HEATR4: variants seen among roughly 807,000 people sequenced by gnomAD.
HEATR4 encodes the protein HEAT repeat-containing protein 4.
Under a neutral mutation model 108.8 loss-of-function variants are expected in HEATR4, and 95 were observed. The ratio of observed to expected loss-of-function variants is 0.87; its 90% CI spans 0.74 to 1.04. The LOEUF (loss-of-function observed/expected upper bound fraction) is 1.04. Ranked by LOEUF, HEATR4 falls within the 50% of genes least tolerant of loss-of-function variation. The pLI, the probability that HEATR4 is intolerant of heterozygous loss-of-function variation, is 0.00. For synonymous variants in HEATR4, 443 were observed against 459.4 expected (o/e 0.96, Z 0.46); for missense variants, 1,152 against 1,253.8 (o/e 0.92, Z 1.23).
At chr14:73,573,276 A>G in the HEATR4 span, 1 of 1,465,926 alleles carries the variant, frequency 6.8e-7, no homozygotes, top group Non-Finnish European at 9.6e-7. Flanking sequence ...GTGGGTAGAT[A>G]CCTAGGAGTG....
intron 17 of HEATR4, chr14:73,491,542 G>T (rs1442182854): frequency 1.1e-5 from 17 of 1,532,666 alleles, no homozygotes; most frequent in Non-Finnish European, 1.5e-5. Context: ...TGGATAACAC[G>T]GGTGGGGAGC....
chr14:73,562,704 C>A (rs966005864), upstream of HEATR4, among the ~76,000 whole-genome samples: 3 of 151,876 alleles, frequency 2.0e-5, no homozygotes, highest in Admixed American at 6.6e-5. Flanking sequence ...CTGTCTTGTG[C>A]CGTTGAGATA....
At chr14:73,491,267 G>C in intron 17 of HEATR4, 2 of 1,570,876 alleles carry the variant, frequency 1.3e-6, no homozygotes, top group Non-Finnish European at 1.7e-6. Flanking sequence ...CGGTGGGGCG[G>C]CGGTGGCGGC....
the HEATR4 span, chr14:73,595,827 G>A: frequency 1.4e-6 from 1 of 726,492 alleles, no homozygotes; most frequent in Non-Finnish European, 2.0e-6. Flanking sequence ...AATGTAACTT[G>A]CTTGTTGTAG....
intron 17 of HEATR4, chr14:73,490,900 C>T: frequency 1.7e-6 from 2 of 1,152,380 alleles, no homozygotes; most frequent in Non-Finnish European, 2.2e-6. Context: ...GCGTGGCCAA[C>T]CCCGAGGTGG....
Position 73,495,167 on chromosome 14 carries a change from A to C in HEATR4, c.2785+61T>G. The C allele has an allele frequency of 2.0e-6, 3 of 1,478,034 alleles. No individual in the cohort carries two copies. The South Asian group carries it at 3.8e-5, about 19-fold the overall frequency. The allele number at this position is 1,478,034 out of a possible 1,614,324, so 91.6% of individuals were successfully genotyped here. On this transcript the variant is annotated intron_variant, in intron 16 of 17. Transcript: ENST00000553558. ...CTTGCTACTAAGTCCCAAAACATCCAGATCCTGGAAGAGGCTTATTAAAGG... is the reference window on the plus strand; with the variant it reads ...CTTGCTACTAAGTCCCAAAACATCCCGATCCTGGAAGAGGCTTATTAAAGG...
At chr14:73,602,401 C>G in the HEATR4 span, among the ~76,000 whole-genome samples, 1 of 152,150 alleles carries the variant, frequency 6.6e-6, no homozygotes, top group African/African-American at 2.4e-5. Context: ...TTCCTGGTGC[C>G]GAGCTCCTTG....
the HEATR4 span, chr14:73,619,176 G>A: frequency 6.6e-7 from 1 of 1,508,358 alleles, no homozygotes; most frequent in Non-Finnish European, 8.8e-7. Context: ...TAAAATCACT[G>A]TCTGTGTCCT....
chr14:73,594,576 CCT>C, the HEATR4 span, among the ~76,000 whole-genome samples: 16 of 152,272 alleles, frequency 1.1e-4, no homozygotes, highest in African/African-American at 3.6e-4. Context: ...AAGAAACTCC[CCT>C]GTCAGCTGAG....
At position 73,495,256 on chromosome 14, in the gene HEATR4, G is replaced by T. The variant is rs181918013; in HGVS notation, c.2757C>A (p.Leu919=). ...KPKGEQGPLT[L]QTLLQETFQD... is the part of the protein sequence containing the mutation. Reference sequence around the variant, plus strand: ...GAAAAGTTTCTTGGAGTAAAGTCTGGAGTGTTAGTGGTCCTTGTTCTCCTT... The same window carrying T: ...GAAAAGTTTCTTGGAGTAAAGTCTGTAGTGTTAGTGGTCCTTGTTCTCCTT... The change falls in exon 16 of 18, where the codon CTC becomes CTA. Residue 919 remains leucine (L), a synonymous_variant. Transcript: ENST00000553558. 287 of 1,613,968 alleles carry T rather than the reference G, an allele frequency of 1.8e-4. No individual in the cohort carries two copies. Among genetic ancestry groups the T allele is most frequent in the East Asian group, 1.1e-3 (50 of 44,856 alleles).
the HEATR4 span, chr14:73,611,654 T>G: frequency 1.3e-5 from 2 of 152,202 alleles, no homozygotes; most frequent in African/African-American, 4.8e-5. Flanking sequence ...GTCAGTGTAG[T>G]GTTTTTACAC....
the HEATR4 span, among the ~76,000 whole-genome samples, chr14:73,620,744 T>C: frequency 2.4e-4 from 36 of 151,826 alleles, no homozygotes; most frequent in African/African-American, 8.7e-4. Context: ...ATTTGTGTAT[T>C]TTTAGTAGAG....
intron 7 of HEATR4, among the ~76,000 whole-genome samples, chr14:73,510,561 G>A (rs1044734542): frequency 4.6e-5 from 7 of 152,098 alleles, no homozygotes; most frequent in Middle Eastern, 3.4e-3. Flanking sequence ...TCAGCCTTCC[G>A]AGTATCTGGG....
the HEATR4 span, among the ~76,000 whole-genome samples, chr14:73,600,626 T>C: frequency 3.3e-5 from 5 of 151,942 alleles, no homozygotes; most frequent in South Asian, 1.0e-3. Context: ...TAATTTGTTA[T>C]GTTTAGTAGA....
the HEATR4 span, chr14:73,596,536 T>G: frequency 1.3e-5 from 2 of 152,122 alleles, no homozygotes. Flanking sequence ...AATCGTACTG[T>G]GGTAACCCTA....
At chr14:73,507,703 T>C (rs564786564) in intron 9 of HEATR4, among the ~76,000 whole-genome samples, 1 of 152,168 alleles carries the variant, frequency 6.6e-6, no homozygotes, top group African/African-American at 2.4e-5. Context: ...CCCAAAGTGC[T>C]GGGATTACAG....
At chr14:73,586,164 C>T in the HEATR4 span, among the ~76,000 whole-genome samples, 9 of 151,750 alleles carry the variant, frequency 5.9e-5, no homozygotes, top group Non-Finnish European at 1.3e-4. Context: ...GAGGCCGAGG[C>T]GAGTGGATCA....
At chr14:73,524,349 G>A (rs1334204543) in intron 2 of HEATR4, among the ~76,000 whole-genome samples, 2 of 129,836 alleles carry the variant, frequency 1.5e-5, no homozygotes, top group Non-Finnish European at 1.6e-5. Flanking sequence ...TAGCTGTAAC[G>A]TATTTTATCA....
chr14:73,608,980 G>T, the HEATR4 span, among the ~76,000 whole-genome samples: 2 of 152,156 alleles, frequency 1.3e-5, no homozygotes, highest in Admixed American at 1.3e-4. Context: ...AGAACAGCAT[G>T]AGACTAACCA....
Sources: gnomAD v4.1 joint callset for allele counts (sites outside exome capture counted in the v4.1 genomes callset) on GRCh38, gnomAD v4.1.1 for gene constraint, MANE v1.5 for transcripts, NCBI Gene and HGNC (gene_info 2026-07-23, HGNC 2026-07-21) for gene names.